The following SUPT3H variants were observed in gnomAD, a reference collection of about 807,000 sequenced individuals.
SUPT3H encodes the protein transcription initiation protein SPT3 homolog.
Under a neutral mutation model 44.3 loss-of-function variants are expected in SUPT3H, and 44 were observed. The observed-to-expected ratio is 0.99, with a 90% CI of 0.78 to 1.28. SUPT3H has a LOEUF of 1.28. SUPT3H is among the 50% of genes most tolerant of loss of function. The pLI is 0.00. For missense variants in SUPT3H, 380 were observed against 387.1 expected (o/e 0.98, Z 0.15); for synonymous variants, 124 against 125.6 (o/e 0.99, Z 0.09).
intron 1 of SUPT3H, among the ~76,000 whole-genome samples, chr6:45,374,060 T>C (rs191064113): frequency 2.0e-5 from 3 of 152,342 alleles, no homozygotes; most frequent in Admixed American, 6.5e-5. Flanking sequence ...AATTCTCATT[T>C]GATGCCACCA....
At chr6:45,070,270 T>C (rs982491364) in intron 3 of SUPT3H, among the ~76,000 whole-genome samples, 1 of 152,204 alleles carries the variant, frequency 6.6e-6, no homozygotes, top group Non-Finnish European at 1.5e-5. Flanking sequence ...ATTGAAGTTA[T>C]AACACATTGA....
At chr6:45,264,961 G>GA (rs1775014861) in intron 2 of SUPT3H, among the ~76,000 whole-genome samples, 2 of 152,096 alleles carry the variant, frequency 1.3e-5, no homozygotes, top group South Asian at 2.1e-4. Flanking sequence ...TCTATTAAAG[G>GA]AAAAAAATCA....
chr6:45,102,995 A>G (rs1798802436), intron 3 of SUPT3H, among the ~76,000 whole-genome samples: 1 of 152,160 alleles, frequency 6.6e-6, no homozygotes, highest in South Asian at 2.1e-4. Context: ...AACTGATCTT[A>G]ATAGGCAAAT....
At chr6:45,205,098 C>T (rs1300489566) in intron 2 of SUPT3H, among the ~76,000 whole-genome samples, 3 of 152,134 alleles carry the variant, frequency 2.0e-5, no homozygotes, top group African/African-American at 4.8e-5. Flanking sequence ...AAACCAAATT[C>T]CCATCTCTGA....
intron 10 of SUPT3H, among the ~76,000 whole-genome samples, chr6:44,855,318 T>G (rs1773544923): frequency 6.6e-6 from 1 of 152,074 alleles, no homozygotes; most frequent in African/African-American, 2.4e-5. Context: ...GTTTTTCATC[T>G]CCCCAGCTTT....
chr6:45,096,298 G>A (rs1429908194), intron 3 of SUPT3H, among the ~76,000 whole-genome samples: 1 of 152,082 alleles, frequency 6.6e-6, no homozygotes, highest in East Asian at 1.9e-4. Context: ...TTTCTCAAGT[G>A]TAATTCAACT....
intron 5 of SUPT3H, among the ~76,000 whole-genome samples, chr6:45,008,161 A>G (rs1782980846): frequency 6.6e-6 from 1 of 152,114 alleles, no homozygotes; most frequent in African/African-American, 2.4e-5. Context: ...TTTTATGTGA[A>G]TACATATTTT....
chr6:45,039,469 C>G (rs542753201), intron 3 of SUPT3H, among the ~76,000 whole-genome samples: 1 of 152,034 alleles, frequency 6.6e-6, no homozygotes, highest in Non-Finnish European at 1.5e-5. Context: ...TTTTTGCTCT[C>G]AAATCTGTTT....
chr6:45,029,919 C>A (rs1027740379), intron 3 of SUPT3H, among the ~76,000 whole-genome samples: 8 of 152,148 alleles, frequency 5.3e-5, no homozygotes, highest in African/African-American at 1.4e-4. Context: ...CACATGCCAT[C>A]ATGCCTAGCT....
chr6:45,206,039 T>A (rs939421815), intron 2 of SUPT3H, among the ~76,000 whole-genome samples: 1 of 152,182 alleles, frequency 6.6e-6, no homozygotes, highest in African/African-American at 2.4e-5. Context: ...AAATTTGACA[T>A]TCCATTATAT....
chr6:44,963,092 T>C (rs79278025), intron 6 of SUPT3H, among the ~76,000 whole-genome samples: 4,179 of 151,396 alleles, frequency 0.028, 220 homozygotes, highest in African/African-American at 0.095. Context: ...TAAAGATAAA[T>C]ATATAAATTA....
intron 2 of SUPT3H, among the ~76,000 whole-genome samples, chr6:45,167,174 T>C (rs1226055583): frequency 6.6e-6 from 1 of 152,220 alleles, no homozygotes; most frequent in African/African-American, 2.4e-5. Flanking sequence ...AAGGGCTTAA[T>C]GGACAGAAGT....
At chr6:45,254,326 T>C (rs1772968509) in intron 2 of SUPT3H, among the ~76,000 whole-genome samples, 1 of 152,194 alleles carries the variant, frequency 6.6e-6, no homozygotes, top group South Asian at 2.1e-4. Flanking sequence ...AGCCATTTCC[T>C]TTTCTCTTGT....
At chr6:45,181,575 A>T (rs569029367) in intron 2 of SUPT3H, among the ~76,000 whole-genome samples, 2 of 151,940 alleles carry the variant, frequency 1.3e-5, no homozygotes, top group Non-Finnish European at 2.9e-5. Flanking sequence ...AGGGACATGG[A>T]TGAAATTGGA....
At chr6:45,235,817 G>A (rs56397204) in intron 2 of SUPT3H, among the ~76,000 whole-genome samples, 32,588 of 152,090 alleles carry the variant, frequency 0.21, 4,411 homozygotes, top group Non-Finnish European at 0.31. Flanking sequence ...ACATGTTCAT[G>A]ATGGCCATGA....
intron 10 of SUPT3H, among the ~76,000 whole-genome samples, chr6:44,876,834 T>C (rs1394473482): frequency 4.3e-5 from 4 of 92,182 alleles, no homozygotes; most frequent in Non-Finnish European, 7.5e-5. Context: ...AGATCTTCAA[T>C]TGAAAAAAAA....
At chr6:45,194,969 C>G (rs1815768861) in intron 2 of SUPT3H, among the ~76,000 whole-genome samples, 1 of 152,060 alleles carries the variant, frequency 6.6e-6, no homozygotes, top group African/African-American at 2.4e-5. Flanking sequence ...GTGAAAAGAC[C>G]TATAAATTGC....
At chr6:44,893,099 A>G (rs1249619730) in intron 10 of SUPT3H, among the ~76,000 whole-genome samples, 1 of 152,202 alleles carries the variant, frequency 6.6e-6, no homozygotes, top group Non-Finnish European at 1.5e-5. Context: ...TGACTCAATT[A>G]TTCATTTACA....
chr6:45,374,602 T>C (rs545779257), intron 1 of SUPT3H, among the ~76,000 whole-genome samples: 1 of 152,336 alleles, frequency 6.6e-6, no homozygotes, highest in African/African-American at 2.4e-5. Context: ...AAAACCCTTC[T>C]TTAACATTCT....
Sources: gnomAD v4.1 joint callset for allele counts (sites outside exome capture counted in the v4.1 genomes callset) on GRCh38, gnomAD v4.1.1 for gene constraint, MANE v1.5 for transcripts, NCBI Gene and HGNC (gene_info 2026-07-23, HGNC 2026-07-21) for gene names.